NELL2: variants seen among roughly 807,000 people sequenced by gnomAD.
NELL2 encodes the protein protein kinase C-binding protein NELL2.
A neutral mutation model predicts 109.6 loss-of-function variants in NELL2; 41 were observed. The observed-to-expected ratio is 0.37, with a 90% CI of 0.29 to 0.49. The LOEUF (loss-of-function observed/expected upper bound fraction) is 0.49, where lower values mean the gene tolerates loss of function less well. Among genes scored for constraint, NELL2 ranks in the 20% least tolerant of loss-of-function variants. NELL2 has a pLI of 0.98. For synonymous variants in NELL2, 355 were observed against 344.7 expected (o/e 1.03, Z -0.33); for missense variants, 900 against 1,008.3 (o/e 0.89, Z 1.45).
rs551802237 is a variant in NELL2 at position 44,856,006 on chromosome 12, G to A, written c.184+19219C>T. ...ACATAAATACAAAACATAAAGTCAC[G>A]AAAGTAATCATATTTGTCATGAACA... On this transcript the variant is annotated intron_variant, in intron 2 of 19. Coordinates refer to ENST00000429094, the MANE Select transcript of NELL2 (RefSeq NM_001145108.2). Among the ~76,000 whole-genome samples the A allele has an allele frequency of 2.6e-5, 4 of 152,242 alleles. No homozygotes were observed. In the East Asian group the frequency reaches 5.8e-4, roughly 22 times the overall value.
intron 12 of NELL2, among the ~76,000 whole-genome samples, chr12:44,685,474 T>C (rs2136382374): frequency 6.6e-6 from 1 of 152,282 alleles, no homozygotes; most frequent in East Asian, 1.9e-4. Flanking sequence ...TAGCTGGTTA[T>C]TTTGCTCGCT....
At chr12:44,793,593 A>T (rs1942511886) in intron 3 of NELL2, among the ~76,000 whole-genome samples, 1 of 152,210 alleles carries the variant, frequency 6.6e-6, no homozygotes, top group Non-Finnish European at 1.5e-5. Context: ...CACCCTACAA[A>T]CAATAACAGC....
chr12:44,593,732 C>G (rs1459700920), intron 15 of NELL2, among the ~76,000 whole-genome samples: 4 of 152,148 alleles, frequency 2.6e-5, no homozygotes, highest in Admixed American at 2.0e-4. Flanking sequence ...AAAAGCGTTC[C>G]TATTTCTCCA....
chr12:44,551,375 A>T (rs1592105396), intron 15 of NELL2, among the ~76,000 whole-genome samples: 1 of 152,304 alleles, frequency 6.6e-6, no homozygotes, highest in East Asian at 1.9e-4. Context: ...TATATATGTC[A>T]TGTGCATTCA....
rs774684263 is a variant in NELL2 at position 44,523,750 on chromosome 12, T to A, written c.1805-266A>T. ...TATATCTCTGTAAATAACATTAGGC[T>A]TTATGAAACATTTTTATTTTTGAGA... On this transcript the variant is annotated intron_variant, in intron 16 of 19. Coordinates refer to ENST00000429094, the MANE Select transcript of NELL2 (RefSeq NM_001145108.2). 131 of 419,034 alleles carry A rather than the reference T, an allele frequency of 3.1e-4. 1 individual carries two copies. Among genetic ancestry groups the A allele is most frequent in the Non-Finnish European group, 5.1e-5 (12 of 233,474 alleles). The allele number at this position is 419,034 out of a possible 1,614,324, so 26.0% of individuals were successfully genotyped here.
In NELL2 at chr12:44,875,810, C is replaced by CT. The variant is rs1312899745; in HGVS notation, c.55+4dup. The CT allele has an allele frequency of 9.9e-6, 16 of 1,613,584 alleles. No individual in the cohort carries two copies. Among genetic ancestry groups the CT allele is most frequent in the Non-Finnish European group, 1.2e-5 (14 of 1,180,040 alleles). On this transcript the variant is annotated splice_donor_region_variant and intron_variant, in intron 1 of 19. Transcript: ENST00000429094. ...TTCCCCAGCCCCAGCTCTGCGGCCACTCACCTGCTCCGAGACCGAAGATCA... is the reference window on the plus strand; with the variant it reads ...TTCCCCAGCCCCAGCTCTGCGGCCACTTCACCTGCTCCGAGACCGAAGATCA...
chr12:44,539,596 T>A (rs1242710853), intron 15 of NELL2, among the ~76,000 whole-genome samples: 1 of 152,200 alleles, frequency 6.6e-6, no homozygotes, highest in Admixed American at 6.5e-5. Context: ...GTAAAATTTA[T>A]ATAGGAAGAA....
At chr12:44,573,137 A>T (rs1943935609) in intron 15 of NELL2, among the ~76,000 whole-genome samples, 1 of 152,254 alleles carries the variant, frequency 6.6e-6, no homozygotes, top group Non-Finnish European at 1.5e-5. Flanking sequence ...AGATATTACA[A>T]GACGGTCCAT....
chr12:44,563,197 G>C (rs1262426170), intron 15 of NELL2, among the ~76,000 whole-genome samples: 2 of 152,042 alleles, frequency 1.3e-5, no homozygotes, highest in African/African-American at 4.8e-5. Flanking sequence ...ATAGCATTAG[G>C]AGAAATACCT....
chr12:44,771,027 C>T (rs9971707), intron 9 of NELL2, among the ~76,000 whole-genome samples: 34,997 of 151,504 alleles, frequency 0.23, 4,263 homozygotes, highest in South Asian at 0.28. Context: ...TTTTTTTAAA[C>T]CTGGGTTGAG....
At chr12:44,627,328 T>G (rs141526895) in intron 13 of NELL2, among the ~76,000 whole-genome samples, 1 of 152,066 alleles carries the variant, frequency 6.6e-6, no homozygotes, top group Non-Finnish European at 1.5e-5. Context: ...TTTTTTGCAT[T>G]GACATGGAAA....
At chr12:44,683,654 C>T (rs1396849098) in intron 12 of NELL2, among the ~76,000 whole-genome samples, 5 of 151,980 alleles carry the variant, frequency 3.3e-5, no homozygotes, top group African/African-American at 9.7e-5. Context: ...TGTCAAAGGC[C>T]TTTTCTGCAT....
chr12:44,878,388 C>A (rs1288003054), upstream of NELL2, among the ~76,000 whole-genome samples: 4 of 152,122 alleles, frequency 2.6e-5, no homozygotes, highest in African/African-American at 9.7e-5. Context: ...GGTTTGGAAA[C>A]CCATAGTAAA....
chr12:44,598,062 A>C (rs1426245241), intron 15 of NELL2, among the ~76,000 whole-genome samples: 1 of 151,898 alleles, frequency 6.6e-6, no homozygotes, highest in Non-Finnish European at 1.5e-5. Flanking sequence ...GTTCTTCTTT[A>C]ACTTGGCCCA....
Position 44,508,828 on chromosome 12 carries a change from C to A in NELL2, c.*106G>T. The A allele has an allele frequency of 3.4e-6, 3 of 884,276 alleles. No individual in the cohort carries two copies. In the South Asian group the frequency reaches 4.7e-5, roughly 14 times the overall value. The allele number at this position is 884,276 out of a possible 1,614,324, so 54.8% of individuals were successfully genotyped here. A position where few individuals can be genotyped will look rare whatever the true frequency, so the allele number is the denominator to read the frequency against. The stretch of plus-strand genomic sequence containing the variant: ...AAAGTTCACTCAGCTATTAACAAAG[C>A]TGCATTTAGCTGCCCACAAATCACC... On this transcript the variant is annotated 3_prime_UTR_variant, in exon 20 of 20. Coordinates refer to ENST00000429094, the MANE Select transcript of NELL2 (RefSeq NM_001145108.2).
At chr12:44,639,318 A>G (rs1363538879) in intron 13 of NELL2, among the ~76,000 whole-genome samples, 5 of 152,018 alleles carry the variant, frequency 3.3e-5, no homozygotes, top group African/African-American at 1.2e-4. Context: ...ACCCACAAAT[A>G]TTTTCTTTAT....
At chr12:44,600,027 T>C (rs1945146656) in intron 15 of NELL2, among the ~76,000 whole-genome samples, 1 of 146,914 alleles carries the variant, frequency 6.8e-6, no homozygotes, top group Non-Finnish European at 1.5e-5. Context: ...AGTGGCGCGA[T>C]ATCTGCTCAC....
At chr12:44,716,711 A>G (rs750141754) in intron 9 of NELL2, among the ~76,000 whole-genome samples, 6 of 152,174 alleles carry the variant, frequency 3.9e-5, no homozygotes, top group Non-Finnish European at 8.8e-5. Context: ...GCCATTCAAA[A>G]GTTTCTAAGC....
chr12:44,799,596 C>T (rs372253811), intron 3 of NELL2, among the ~76,000 whole-genome samples: 6 of 152,026 alleles, frequency 3.9e-5, no homozygotes, highest in East Asian at 3.9e-4. Flanking sequence ...TTCTAATGTC[C>T]GAAATGGTCA....
Sources: gnomAD v4.1 joint callset for allele counts (sites outside exome capture counted in the v4.1 genomes callset) on GRCh38, gnomAD v4.1.1 for gene constraint, MANE v1.5 for transcripts, NCBI Gene and HGNC (gene_info 2026-07-23, HGNC 2026-07-21) for gene names.